The following PARD6A variants were observed in gnomAD, a reference collection of about 807,000 sequenced individuals.
PARD6A encodes the protein partitioning defective 6 homolog alpha.
A neutral mutation model predicts 21.3 loss-of-function variants in PARD6A; 20 were observed. The ratio of observed to expected loss-of-function variants is 0.94; its 90% CI spans 0.66 to 1.36. The LOEUF (loss-of-function observed/expected upper bound fraction) is 1.36. Among genes scored for constraint, PARD6A ranks in the 40% most tolerant of loss-of-function variants. The pLI is 0.00. For missense variants in PARD6A, 411 were observed against 482.0 expected (o/e 0.85, Z 1.38); for synonymous variants, 214 against 204.8 (o/e 1.04, Z -0.38).
rs1182478287 is a variant in PARD6A at position 67,660,965 on chromosome 16, CG to C, written c.-71del. 1 of 480,040 alleles carries C rather than the reference CG, an allele frequency of 2.1e-6. No individual in the cohort carries two copies. The highest frequency in any genetic ancestry group is 1.4e-4 in the East Asian group (1 of 7,226). 29.7% of individuals were successfully genotyped at this position (480,040 alleles called of 1,614,324 possible). The stretch of plus-strand genomic sequence containing the variant: ...ACCGCCAGGGGCGGGGCGGCGCGGG[CG>C]GGCCGGCCGGGCTGTGCACCTGCGC... On this transcript the variant is annotated 5_prime_UTR_variant, in exon 1 of 3. Transcript: ENST00000458121.
At position 67,661,895 on chromosome 16, in the gene PARD6A, G is replaced by A; in HGVS notation, c.287-1G>A. The A allele has an allele frequency of 6.3e-7, 1 of 1,584,118 alleles. No individual in the cohort carries two copies. Among genetic ancestry groups the A allele is most frequent in the Non-Finnish European group, 8.6e-7 (1 of 1,168,822 alleles). On this transcript the variant is annotated splice_acceptor_variant, in intron 2 of 2. Transcript: ENST00000458121. LOFTEE classifies it high-confidence loss of function. This position sits in a 1 kb window ranked among gnomAD's most constrained non-coding sequence, Gnocchi z 7.0. ...TCAACATCCCCCCTCTTCTGCAGCAGAAGCTGACTCCAGCGGCCTGGCTTT... is the reference window on the plus strand; with the variant it reads ...TCAACATCCCCCCTCTTCTGCAGCAAAAGCTGACTCCAGCGGCCTGGCTTT...
Position 67,661,153 on chromosome 16 carries a change from C to T in PARD6A, c.63+52C>T, listed in dbSNP as rs778914962. 1 of 1,440,764 alleles carries T rather than the reference C, an allele frequency of 6.9e-7. No individual in the cohort carries two copies. The highest frequency in any genetic ancestry group is 1.7e-5 in the Admixed American group (1 of 59,292). The allele number at this position is 1,440,764 out of a possible 1,614,324, so 89.2% of individuals were successfully genotyped here. On this transcript the variant is annotated intron_variant, in intron 1 of 2. Transcript: ENST00000458121. This position sits in a 1 kb window ranked among gnomAD's most constrained non-coding sequence, Gnocchi z 7.0. ...AGGCGCTCCCAATTCCCTCTTTCTC[C>T]CCTTCCCAGCTCCTTGGTCCCCGCC...
rs1396633251 is a variant in PARD6A at position 67,661,353 on chromosome 16, C to T, written c.64-102C>T. ...GAGCTGAGGTCTGGGCTTAAGGCTGCCGCAAAAGCGGCAGCCGCATCTTTC... is the reference window on the plus strand; with the variant it reads ...GAGCTGAGGTCTGGGCTTAAGGCTGTCGCAAAAGCGGCAGCCGCATCTTTC... On this transcript the variant is annotated intron_variant, in intron 1 of 2. Coordinates refer to ENST00000458121, the MANE Select transcript of PARD6A (RefSeq NM_001037281.2). The surrounding 1 kb of genome is among the most constrained non-coding windows in gnomAD (Gnocchi z 7.0). 3.1e-5 allele frequency: 46 copies of T among 1,478,708 alleles called. No individual in the cohort carries two copies. The highest frequency in any genetic ancestry group is 4.0e-5 in the Non-Finnish European group (45 of 1,115,156). 91.6% of individuals were successfully genotyped at this position (1,478,708 alleles called of 1,614,324 possible).
At position 67,662,081 on chromosome 16, in the gene PARD6A, C is replaced by T. The variant is rs780545113; in HGVS notation, c.472C>T (p.Arg158Trp). 6 of 1,613,702 alleles carry T rather than the reference C, an allele frequency of 3.7e-6. No individual in the cohort carries two copies. Among genetic ancestry groups the T allele is most frequent in the South Asian group, 1.1e-5 (1 of 91,072 alleles). The part of the protein sequence containing the change: ...DLLPETHRRV[R>W]LHKHGSDRPL... The stretch of plus-strand genomic sequence containing the variant: ...ACTGCCTGAGACCCACCGACGGGTG[C>T]GGCTGCACAAGCATGGTTCAGACCG... Residue 158 changes from arginine (R) to tryptophan (W), a missense_variant, in exon 3 of 3, where the codon CGG becomes TGG. Transcript: ENST00000458121. This position sits in a 1 kb window ranked among gnomAD's most constrained non-coding sequence, Gnocchi z 6.9.
At position 67,661,780 on chromosome 16, in the gene PARD6A, A is replaced by G. The variant is rs2053022635; in HGVS notation, c.286+103A>G. 1 of 1,548,030 alleles carries G rather than the reference A, an allele frequency of 6.5e-7. No homozygotes were observed. The highest frequency in any genetic ancestry group is 1.4e-5 in the African/African-American group (1 of 73,508). On this transcript the variant is annotated intron_variant, in intron 2 of 2. Transcript: ENST00000458121. This position sits in a 1 kb window ranked among gnomAD's most constrained non-coding sequence, Gnocchi z 7.0. ...AGGGTACCCAAGCGTCACCCTCTGC[A>G]GTCCCTGCCCTTGGCTTGACCTCTA... is the stretch of plus-strand genomic sequence containing the variant.
Position 67,662,654 on chromosome 16 carries a change from G to A in PARD6A, c.*7G>A. Reference sequence around the variant, plus strand: ...TAGTGGCTTCAGCCTCTGACAGTCAGGATGAAGCCCCATGCCACTCCACAC... The same window carrying A: ...TAGTGGCTTCAGCCTCTGACAGTCAAGATGAAGCCCCATGCCACTCCACAC... On this transcript the variant is annotated 3_prime_UTR_variant, in exon 3 of 3. Coordinates refer to ENST00000458121, the MANE Select transcript of PARD6A (RefSeq NM_001037281.2). The surrounding 1 kb of genome is among the most constrained non-coding windows in gnomAD (Gnocchi z 6.9). 1 of 1,541,266 alleles carries A rather than the reference G, an allele frequency of 6.5e-7. No individual in the cohort carries two copies. Among genetic ancestry groups the A allele is most frequent in the African/African-American group, 1.4e-5 (1 of 73,726 alleles).
Position 67,662,436 on chromosome 16 carries a change from A to T in PARD6A, c.827A>T (p.Asp276Val), listed in dbSNP as rs778915531. 6 of 1,613,656 alleles carry T rather than the reference A, an allele frequency of 3.7e-6. No homozygotes were observed. The highest frequency in any genetic ancestry group is 5.1e-6 in the Non-Finnish European group (6 of 1,179,858). The part of the protein sequence containing the change: ...PSAGPGPAEP[D>V]SDDDSSDLVI... ...GCAGGGCCTGGGCCTGCTGAGCCTG[A>T]TAGTGACGATGACAGCAGTGACCTG... is the stretch of plus-strand genomic sequence containing the variant. The change falls in exon 3 of 3, where the codon GAT becomes GTT. Residue 276 changes from aspartate to valine, a missense_variant. Asp to Val is a radical substitution (Grantham distance 152). Transcript: ENST00000458121. The surrounding 1 kb of genome is among the most constrained non-coding windows in gnomAD (Gnocchi z 6.9).
chr16:67,661,147 T>C lies in PARD6A; in HGVS notation c.63+46T>C. 8.8e-6 allele frequency: 13 copies of C among 1,478,160 alleles called. No homozygotes were observed. The highest frequency in any genetic ancestry group is 1.2e-5 in the Non-Finnish European group (13 of 1,057,856). The allele number at this position is 1,478,160 out of a possible 1,614,324, so 91.6% of individuals were successfully genotyped here. On this transcript the variant is annotated intron_variant, in intron 1 of 2. Coordinates refer to ENST00000458121, the MANE Select transcript of PARD6A (RefSeq NM_001037281.2). This position sits in a 1 kb window ranked among gnomAD's most constrained non-coding sequence, Gnocchi z 7.0. ...GGCCCTAGGCGCTCCCAATTCCCTCTTTCTCCCCTTCCCAGCTCCTTGGTC... is the reference window on the plus strand; with the variant it reads ...GGCCCTAGGCGCTCCCAATTCCCTCCTTCTCCCCTTCCCAGCTCCTTGGTC...
At position 67,661,485 on chromosome 16, in the gene PARD6A, C is replaced by T. The variant is rs761031862; in HGVS notation, c.94C>T (p.Pro32Ser). Residue 32 changes from proline (P) to serine (S), a missense_variant, in exon 2 of 3, where the codon CCT becomes TCT. Coordinates refer to ENST00000458121, the MANE Select transcript of PARD6A (RefSeq NM_001037281.2). The surrounding 1 kb of genome is among the most constrained non-coding windows in gnomAD (Gnocchi z 7.0). ...CGCCGAGTTCCGACGCTTCGCGCTGCCTCGCGCTTCGGTGAGCGGCTTCCA... is the reference window on the plus strand; with the variant it reads ...CGCCGAGTTCCGACGCTTCGCGCTGTCTCGCGCTTCGGTGAGCGGCTTCCA... ...FDAEFRRFAL[P>S]RASVSGFQEF... is the part of the protein sequence containing the mutation. 2 of 1,609,076 alleles carry T rather than the reference C, an allele frequency of 1.2e-6. No homozygotes were observed. Among genetic ancestry groups the T allele is most frequent in the South Asian group, 1.1e-5 (1 of 91,080 alleles).
chr16:67,662,713 T>G lies in PARD6A; in HGVS notation c.*66T>G, dbSNP rs939802343. The G allele has an allele frequency of 2.9e-6, 4 of 1,393,344 alleles. No homozygotes were observed. The highest frequency in any genetic ancestry group is 5.5e-5 in the Admixed American group (2 of 36,158). The allele number at this position is 1,393,344 out of a possible 1,614,324, so 86.3% of individuals were successfully genotyped here. On this transcript the variant is annotated 3_prime_UTR_variant, in exon 3 of 3. Transcript: ENST00000458121. The surrounding 1 kb of genome is among the most constrained non-coding windows in gnomAD (Gnocchi z 6.9). The stretch of plus-strand genomic sequence containing the variant: ...CATGGCAGGGACTTCACAGTGGGGG[T>G]TTTTAGCTGGCTCACAGGGCTCCCT...
chr16:67,661,369 C>G lies in PARD6A; in HGVS notation c.64-86C>G. The G allele has an allele frequency of 6.6e-7, 1 of 1,518,070 alleles. No homozygotes were observed. Among genetic ancestry groups the G allele is most frequent in the African/African-American group, 1.4e-5 (1 of 71,774 alleles). The allele number at this position is 1,518,070 out of a possible 1,614,324, so 94.0% of individuals were successfully genotyped here. A position where few individuals can be genotyped will look rare whatever the true frequency, so the allele number is the denominator to read the frequency against. On this transcript the variant is annotated intron_variant, in intron 1 of 2. Coordinates refer to ENST00000458121, the MANE Select transcript of PARD6A (RefSeq NM_001037281.2). The surrounding 1 kb of genome is among the most constrained non-coding windows in gnomAD (Gnocchi z 7.0). ...TTAAGGCTGCCGCAAAAGCGGCAGC[C>G]GCATCTTTCCCATTCCTGCCAGCCT...
At position 67,660,975 on chromosome 16, in the gene PARD6A, G is replaced by A. The variant is rs1426710464; in HGVS notation, c.-64G>A. 2.2e-5 allele frequency: 14 copies of A among 639,682 alleles called. No homozygotes were observed. Among genetic ancestry groups the A allele is most frequent in the Admixed American group, 5.8e-5 (1 of 17,134 alleles). 39.6% of individuals were successfully genotyped at this position (639,682 alleles called of 1,614,324 possible). ...GCGGGGCGGCGCGGGCGGGCCGGCC[G>A]GGCTGTGCACCTGCGCCTCGGCGGG... On this transcript the variant is annotated 5_prime_UTR_variant, in exon 1 of 3. Transcript: ENST00000458121.
In PARD6A at chr16:67,661,571, C is replaced by G. The variant is rs1483603304; in HGVS notation, c.180C>G (p.Gly60=). ...HQIPGLDVLL[G]YTDAHGDLLP... Reference sequence around the variant, plus strand: ...TCCCGGGCCTGGACGTGCTACTTGGCTATACGGATGCTCATGGCGACCTGC... The same window carrying G: ...TCCCGGGCCTGGACGTGCTACTTGGGTATACGGATGCTCATGGCGACCTGC... The change falls in exon 2 of 3, where the codon GGC becomes GGG. Residue 60 remains glycine (G), a synonymous_variant. Transcript: ENST00000458121. The surrounding 1 kb of genome is among the most constrained non-coding windows in gnomAD (Gnocchi z 7.0). 1 of 1,610,586 alleles carries G rather than the reference C, an allele frequency of 6.2e-7. No homozygotes were observed. The highest frequency in any genetic ancestry group is 1.7e-5 in the Admixed American group (1 of 60,022).
Position 67,662,727 on chromosome 16 carries a change from A to T in PARD6A, c.*80A>T. 1 of 1,301,956 alleles carries T rather than the reference A, an allele frequency of 7.7e-7. No individual in the cohort carries two copies. Among genetic ancestry groups the T allele is most frequent in the Non-Finnish European group, 1.0e-6 (1 of 972,046 alleles). The allele number at this position is 1,301,956 out of a possible 1,614,324, so 80.7% of individuals were successfully genotyped here. ...CACAGTGGGGGTTTTTAGCTGGCTC[A>T]CAGGGCTCCCTCAGCCTGGGGAACA... is the stretch of plus-strand genomic sequence containing the variant. On this transcript the variant is annotated 3_prime_UTR_variant, in exon 3 of 3. Coordinates refer to ENST00000458121, the MANE Select transcript of PARD6A (RefSeq NM_001037281.2). The surrounding 1 kb of genome is among the most constrained non-coding windows in gnomAD (Gnocchi z 6.9).
At position 67,662,641 on chromosome 16, in the gene PARD6A, C is replaced by T; in HGVS notation, c.1032C>T (p.Ser344=). Residue 344 remains serine, a synonymous_variant, in exon 3 of 3, where the codon AGC becomes AGT. Transcript: ENST00000458121. This position sits in a 1 kb window ranked among gnomAD's most constrained non-coding sequence, Gnocchi z 6.9. ...TTCGAGGAGATGGTAGTGGCTTCAG[C>T]CTCTGACAGTCAGGATGAAGCCCCA... The part of the protein sequence containing the change: ...SRIRGDGSGF[S]L 1 of 1,563,884 alleles carries T rather than the reference C, an allele frequency of 6.4e-7. No individual in the cohort carries two copies. Among genetic ancestry groups the T allele is most frequent in the Non-Finnish European group, 8.7e-7 (1 of 1,154,184 alleles).
At position 67,662,227 on chromosome 16, in the gene PARD6A, G is replaced by T. The variant is rs2053033288; in HGVS notation, c.618G>T (p.Gly206=). 6.2e-7 allele frequency: 1 copy of T among 1,614,112 alleles called. No individual in the cohort carries two copies. The highest frequency in any genetic ancestry group is 1.3e-5 in the African/African-American group (1 of 75,040). ...GTGGGGGTCTGGCTGAGAGTACAGG[G>T]CTGCTGGCGGTCAGTGATGAGATCC... ...LVRGGLAEST[G]LLAVSDEILE... is the part of the protein sequence containing the mutation. The change falls in exon 3 of 3, where the codon GGG becomes GGT. Residue 206 remains glycine, a synonymous_variant. Coordinates refer to ENST00000458121, the MANE Select transcript of PARD6A (RefSeq NM_001037281.2). The surrounding 1 kb of genome is among the most constrained non-coding windows in gnomAD (Gnocchi z 6.9).
At position 67,660,992 on chromosome 16, in the gene PARD6A, C is replaced by T. The variant is rs1016963855; in HGVS notation, c.-47C>T. 3.0e-6 allele frequency: 3 copies of T among 1,015,428 alleles called. No individual in the cohort carries two copies. The African/African-American group carries it at 5.2e-5, about 18-fold the overall frequency. 62.9% of individuals were successfully genotyped at this position (1,015,428 alleles called of 1,614,324 possible). ...GGCCGGCCGGGCTGTGCACCTGCGCCTCGGCGGGCCGCCTGGGGCACCGTC... is the reference window on the plus strand; with the variant it reads ...GGCCGGCCGGGCTGTGCACCTGCGCTTCGGCGGGCCGCCTGGGGCACCGTC... On this transcript the variant is annotated 5_prime_UTR_variant, in exon 1 of 3. Transcript: ENST00000458121.
chr16:67,661,017 C>T lies in PARD6A; in HGVS notation c.-22C>T. The T allele has an allele frequency of 6.9e-7, 1 of 1,456,710 alleles. No homozygotes were observed. Among genetic ancestry groups the T allele is most frequent in the Non-Finnish European group, 9.2e-7 (1 of 1,091,054 alleles). The allele number at this position is 1,456,710 out of a possible 1,614,324, so 90.2% of individuals were successfully genotyped here. ...CTCGGCGGGCCGCCTGGGGCACCGT[C>T]CCCGGCCCGCCCGGCCCCGCCATGG... On this transcript the variant is annotated 5_prime_UTR_variant, in exon 1 of 3. Coordinates refer to ENST00000458121, the MANE Select transcript of PARD6A (RefSeq NM_001037281.2). This position sits in a 1 kb window ranked among gnomAD's most constrained non-coding sequence, Gnocchi z 7.0.
chr16:67,661,276 C>A lies in PARD6A; in HGVS notation c.63+175C>A. 9.8e-7 allele frequency: 1 copy of A among 1,022,584 alleles called. No homozygotes were observed. The highest frequency in any genetic ancestry group is 1.4e-6 in the Non-Finnish European group (1 of 700,098). The allele number at this position is 1,022,584 out of a possible 1,614,324, so 63.3% of individuals were successfully genotyped here. A position where few individuals can be genotyped will look rare whatever the true frequency, so the allele number is the denominator to read the frequency against. Reference sequence around the variant, plus strand: ...ACTGCTGGTCTCCAGCTCTCTGTGGCCTGAGTACCTGGAGGGCGGTAAGAA... The same window carrying A: ...ACTGCTGGTCTCCAGCTCTCTGTGGACTGAGTACCTGGAGGGCGGTAAGAA... On this transcript the variant is annotated intron_variant, in intron 1 of 2. Coordinates refer to ENST00000458121, the MANE Select transcript of PARD6A (RefSeq NM_001037281.2). The surrounding 1 kb of genome is among the most constrained non-coding windows in gnomAD (Gnocchi z 7.0).
Sources: allele counts gnomAD v4.1 joint callset, GRCh38; gene constraint gnomAD v4.1.1; non-coding constraint Gnocchi (gnomAD v3.1); transcripts MANE v1.5; gene names NCBI Gene and HGNC (gene_info 2026-07-23, HGNC 2026-07-21).